SLC9A5: variants seen among roughly 807,000 people sequenced by gnomAD.
SLC9A5 encodes solute carrier family 9 member A5.
SLC9A5 carries 52 observed loss-of-function variants against 91.7 expected under a neutral mutation model. The observed-to-expected ratio is 0.57, with a 90% confidence interval of 0.45 to 0.71. The LOEUF (loss-of-function observed/expected upper bound fraction) is 0.71. Among genes scored for constraint, SLC9A5 ranks in the 30% least tolerant of loss-of-function variants. The pLI is 0.00. For missense variants in SLC9A5, 871 were observed against 1,158.9 expected, an observed-to-expected ratio of 0.75 and a Z score of 3.61; for synonymous variants, 419 against 474.5, an observed-to-expected ratio of 0.88 and a Z score of 1.52.
intron 10 of SLC9A5, 35 bp from the exon 11 acceptor site, chr16:67,259,538 T>C: frequency 6.5e-7 from 1 of 1,530,366 alleles, no homozygotes; most frequent in Non-Finnish European, 9.1e-7. Flanking sequence ...ACCCTCCATC[T>C]GATTGCTGGC....
At chr16:67,264,311 A>G (rs1480215638) in intron 12 of SLC9A5, 41 bp from the exon 13 acceptor site, 1 of 1,590,418 alleles carries the variant, frequency 6.3e-7, no homozygotes. Context: ...TGGGAGGCCA[A>G]GGCATCCATC....
In SLC9A5 at chr16:67,256,351, C is replaced by T; in HGVS notation, c.912-118C>T. 1.4e-6 allele frequency: 1 copy of T among 721,406 alleles called. No homozygotes were observed. Among genetic ancestry groups the T allele is most frequent in the Non-Finnish European group, 2.4e-6 (1 of 416,444 alleles). 44.7% of individuals were successfully genotyped at this position (721,406 alleles called of 1,614,324 possible). ...GTCTTCAGGCCTCCCTGGGCTTCAG[C>T]TCTGAGAGTCTGACATCCTGTAATG... is the stretch of plus-strand genomic sequence containing the variant. On this transcript the variant is annotated intron_variant, in intron 5 of 15. Coordinates refer to ENST00000299798, the MANE Select transcript of SLC9A5 (RefSeq NM_004594.3). The surrounding 1 kb of genome is among the most constrained non-coding windows in gnomAD (Gnocchi z 4.1).
chr16:67,269,523 A>G (rs1006048734), intron 15 of SLC9A5, among the ~76,000 whole-genome samples: 1 of 152,206 alleles, frequency 6.6e-6, no homozygotes, highest in Admixed American at 6.5e-5. Context: ...TCTTTCATTT[A>G]TCAGTTTTCA....
chr16:67,249,340 T>C (rs1036989454), intron 1 of SLC9A5, 139 bp downstream of exon 1: 29 of 627,534 alleles, frequency 4.6e-5, no homozygotes, highest in Non-Finnish European at 6.4e-5. Context: ...AAATCCGGGC[T>C]CTCGCCCAGT....
Position 67,252,712 on chromosome 16 carries a change from G to A in SLC9A5, c.358G>A (p.Gly120Ser). ...GCTGCCTCCTATTGTGTTGGACTCA[G>A]GCTATTTCATGCCTAGCAGGCTGTT... The part of the protein sequence containing the change: ...FLLPPIVLDS[G>S]YFMPSRLFFD... Residue 120 changes from glycine (G) to serine (S), a missense_variant, in exon 2 of 16, where the codon GGC (glycine) becomes AGC (serine). Transcript: ENST00000299798. The surrounding 1 kb of genome is among the most constrained non-coding windows in gnomAD (Gnocchi z 4.0). The A allele has an allele frequency of 6.2e-7, 1 of 1,614,224 alleles. No homozygotes were observed. Among genetic ancestry groups the A allele is most frequent in the Non-Finnish European group, 8.5e-7 (1 of 1,180,048 alleles).
intron 13 of SLC9A5, 141 bp downstream of exon 13, chr16:67,264,663 T>C (rs2142377144): frequency 1.2e-6 from 1 of 807,738 alleles, no homozygotes; most frequent in East Asian, 2.6e-5. Flanking sequence ...GCAGTTTGGG[T>C]TCCCTTTTAG....
Position 67,270,875 on chromosome 16 carries a change from G to A in SLC9A5, c.2356G>A (p.Asp786Asn). Residue 786 changes from aspartate (D) to asparagine (N), a missense_variant, in exon 16 of 16, where the codon GAC (aspartate) becomes AAC (asparagine). Physicochemically the swap from Asp to Asn is conservative, Grantham distance 23. Coordinates refer to ENST00000299798, the MANE Select transcript of SLC9A5 (RefSeq NM_004594.3). The surrounding 1 kb of genome is among the most constrained non-coding windows in gnomAD (Gnocchi z 4.3). ...GGAAACCACCAAGATTGTGCCTGTG[G>A]ACATGCAGACGGGTTGGAACCAGAG... Reference protein sequence around the residue: ...SSETTKIVPVDMQTGWNQSIS... With the variant: ...SSETTKIVPVNMQTGWNQSIS... The A allele has an allele frequency of 6.2e-7, 1 of 1,614,096 alleles. No individual in the cohort carries two copies. Among genetic ancestry groups the A allele is most frequent in the East Asian group, 2.2e-5 (1 of 44,864 alleles).
At position 67,252,463 on chromosome 16, in the gene SLC9A5, CA is replaced by C. The variant is rs2035163784; in HGVS notation, c.188-75del. 4 of 1,121,398 alleles carry C rather than the reference CA, an allele frequency of 3.6e-6. No homozygotes were observed. The South Asian group carries it at 6.3e-5, about 18-fold the overall frequency. 69.5% of individuals were successfully genotyped at this position (1,121,398 alleles called of 1,614,324 possible). A position where few individuals can be genotyped will look rare whatever the true frequency, so the allele number is the denominator to read the frequency against. The stretch of plus-strand genomic sequence containing the variant: ...AGACTTCATCTCAAAAAAAAAAAAA[CA>C]AAACTGGGAGTTCATAGGCCTGTGT... On this transcript the variant is annotated intron_variant, in intron 1 of 15. Transcript: ENST00000299798. This position sits in a 1 kb window ranked among gnomAD's most constrained non-coding sequence, Gnocchi z 4.0.
At chr16:67,250,701 C>T (rs1029398856) in intron 1 of SLC9A5, among the ~76,000 whole-genome samples, 10 of 152,132 alleles carry the variant, frequency 6.6e-5, no homozygotes, top group South Asian at 6.2e-4. Context: ...GAGACTTTTT[C>T]CCTTTTATTA....
intron 13 of SLC9A5, among the ~76,000 whole-genome samples, chr16:67,264,766 G>A (rs940186642): frequency 9.9e-5 from 15 of 152,172 alleles, no homozygotes; most frequent in Admixed American, 2.6e-4. Context: ...CAGCAGGGCC[G>A]CCTACCAAAG....
chr16:67,253,481 A>G (rs1179382273), intron 2 of SLC9A5, among the ~76,000 whole-genome samples: 1 of 152,028 alleles, frequency 6.6e-6, no homozygotes, highest in Non-Finnish European at 1.5e-5. Flanking sequence ...TTTGTTTGCT[A>G]TCAGGTCCAA....
chr16:67,251,469 A>C (rs2035119105), intron 1 of SLC9A5, among the ~76,000 whole-genome samples: 1 of 130,422 alleles, frequency 7.7e-6, no homozygotes, highest in African/African-American at 3.1e-5. Context: ...GCTGGAGTAC[A>C]GTGGCATGAT....
chr16:67,257,204 T>C lies in SLC9A5; in HGVS notation c.1335+91T>C. On this transcript the variant is annotated intron_variant, in intron 7 of 15. Transcript: ENST00000299798. This position sits in a 1 kb window ranked among gnomAD's most constrained non-coding sequence, Gnocchi z 5.1. ...GTGGGACAGGGGCTTCTCTTCCCGC[T>C]GGGAGATGGAGGGCCCTGACTTCCC... 1 of 1,429,510 alleles carries C rather than the reference T, an allele frequency of 7.0e-7. No homozygotes were observed. The highest frequency in any genetic ancestry group is 1.9e-4 in the Middle Eastern group (1 of 5,146). The allele number at this position is 1,429,510 out of a possible 1,614,324, so 88.6% of individuals were successfully genotyped here.
Position 67,266,239 on chromosome 16 carries a change from C to A in SLC9A5, c.2218+14C>A, listed in dbSNP as rs76961854. Reference sequence around the variant, plus strand: ...GCAAGGTCTCAGGTAATGGCTTCCTCCCTGCCCACCTCCCCTCTGGAGCAA... The same window carrying A: ...GCAAGGTCTCAGGTAATGGCTTCCTACCTGCCCACCTCCCCTCTGGAGCAA... On this transcript the variant is annotated intron_variant, in intron 15 of 15. Coordinates refer to ENST00000299798, the MANE Select transcript of SLC9A5 (RefSeq NM_004594.3). 937 of 1,580,720 alleles carry A rather than the reference C, an allele frequency of 5.9e-4. 17 individuals carry two copies. In the East Asian group the frequency reaches 0.022, roughly 37 times the overall value.
In SLC9A5 at chr16:67,265,105, A is replaced by G; in HGVS notation, c.2079A>G (p.Thr693=). 1 of 1,613,940 alleles carries G rather than the reference A, an allele frequency of 6.2e-7. No individual in the cohort carries two copies. Among genetic ancestry groups the G allele is most frequent in the Non-Finnish European group, 8.5e-7 (1 of 1,179,864 alleles). The change falls in exon 14 of 16, where the codon ACA becomes ACG. Residue 693 remains threonine (T), a splice_region_variant and synonymous_variant. Transcript: ENST00000299798. ...ATCGAGGCCTGGGCTTTCAGGACAC[A>G]GGCAAGCAGGGAGCAGTGTGGGATT... The part of the protein sequence containing the change: ...GKHRGLGFQD[T]AAVILTVESE...
At position 67,256,604 on chromosome 16, in the gene SLC9A5, C is replaced by T. The variant is rs777970737; in HGVS notation, c.1047C>T (p.Ile349=). ...AETVIFMLLG[I]SAVDSSKWAW... ...CCGTGATCTTCATGCTGCTTGGCAT[C>T]TCAGCCGTGGACTCTTCTAAGTGGG... Residue 349 remains isoleucine (I), a synonymous_variant, in exon 6 of 16, where the codon ATC becomes ATT. Coordinates refer to ENST00000299798, the MANE Select transcript of SLC9A5 (RefSeq NM_004594.3). This position sits in a 1 kb window ranked among gnomAD's most constrained non-coding sequence, Gnocchi z 4.1. 3.7e-6 allele frequency: 6 copies of T among 1,614,162 alleles called. No individual in the cohort carries two copies. The East Asian group carries it at 1.3e-4, about 36-fold the overall frequency.
Position 67,270,753 on chromosome 16 carries a change from G to C in SLC9A5, c.2234G>C (p.Cys745Ser), listed in dbSNP as rs767930519. 3.7e-6 allele frequency: 6 copies of C among 1,608,268 alleles called. No homozygotes were observed. Among genetic ancestry groups the C allele is most frequent in the Admixed American group, 3.4e-5 (2 of 59,612 alleles). Reference protein sequence around the residue: ...EGKVSGSLEVCPSPRIIPPSP... With the variant: ...EGKVSGSLEVSPSPRIIPPSP... ...CTGTCCCCAGGAAGCCTTGAGGTGT[G>C]CCCAAGCCCACGAATCATTCCCCCC... is the stretch of plus-strand genomic sequence containing the variant. The change falls in exon 16 of 16, where the codon TGC becomes TCC. Residue 745 changes from cysteine (C) to serine (S), a missense_variant. Physicochemically the swap from Cys to Ser is moderately radical, Grantham distance 112. This residue lies in a region of SLC9A5 where 295 missense variants were observed against 326.0 expected (regional missense o/e 0.90). Transcript: ENST00000299798. This position sits in a 1 kb window ranked among gnomAD's most constrained non-coding sequence, Gnocchi z 4.3.
chr16:67,259,499 T>G (rs577450180), intron 10 of SLC9A5, 74 bp from the exon 11 acceptor site: 1 of 1,052,102 alleles, frequency 9.5e-7, no homozygotes, highest in African/African-American at 1.6e-5. Flanking sequence ...GTTATTATTA[T>G]TTTCTTTATT....
At position 67,270,644 on chromosome 16, in the gene SLC9A5, A is replaced by G. The variant is rs188535010; in HGVS notation, c.2219-94A>G. 3.3e-4 allele frequency: 300 copies of G among 912,916 alleles called. No homozygotes were observed. Among genetic ancestry groups the G allele is most frequent in the Middle Eastern group, 1.9e-3 (8 of 4,268 alleles). 56.6% of individuals were successfully genotyped at this position (912,916 alleles called of 1,614,324 possible). On this transcript the variant is annotated intron_variant, in intron 15 of 15. Coordinates refer to ENST00000299798, the MANE Select transcript of SLC9A5 (RefSeq NM_004594.3). The surrounding 1 kb of genome is among the most constrained non-coding windows in gnomAD (Gnocchi z 4.3). The stretch of plus-strand genomic sequence containing the variant: ...TCCGATAATCGCAAAAATGGACGGC[A>G]TATGGAAACTGTGGCATGAATTTAT...
Sources: allele counts gnomAD v4.1 joint callset (sites outside exome capture counted in the v4.1 genomes callset), GRCh38; gene constraint gnomAD v4.1.1; regional missense constraint gnomAD v4.1.1; non-coding constraint Gnocchi (gnomAD v3.1); transcripts MANE v1.5; gene names NCBI Gene and HGNC (gene_info 2026-07-23, HGNC 2026-07-21).